The following PCNX2 variants were observed in gnomAD, a reference collection of about 807,000 sequenced individuals.
The protein encoded by PCNX2 is pecanex-like protein 2.
In PCNX2, 168 loss-of-function variants were observed where a neutral mutation model predicts 223.8. That is an observed-to-expected ratio of 0.75 (90% CI 0.66 to 0.85). The LOEUF (loss-of-function observed/expected upper bound fraction) is 0.85, where lower values mean the gene tolerates loss of function less well. Among genes scored for constraint, PCNX2 ranks in the 40% least tolerant of loss-of-function variants. The pLI, the probability that PCNX2 is intolerant of heterozygous loss-of-function variation, is 0.00. For missense variants in PCNX2, 2,507 were observed against 2,675.5 expected (o/e 0.94, Z 1.39); for synonymous variants, 1,006 against 1,052.6 (o/e 0.96, Z 0.86).
At chr1:233,235,602 T>TTGTG (rs1360296673) in intron 9 of PCNX2, among the ~76,000 whole-genome samples, 17 of 152,102 alleles carry the variant, frequency 1.1e-4, no homozygotes, top group African/African-American at 3.9e-4. Context: ...TATTTTGTGT[T>TTGTG]TGTTTGTTTG....
At chr1:233,023,608 C>G (rs1024707110) in intron 26 of PCNX2, among the ~76,000 whole-genome samples, 2 of 152,200 alleles carry the variant, frequency 1.3e-5, no homozygotes, top group African/African-American at 2.4e-5. Flanking sequence ...TCTAACACAA[C>G]TGGTATATTG....
chr1:233,176,976 C>A (rs749370788), intron 17 of PCNX2, among the ~76,000 whole-genome samples: 1 of 152,102 alleles, frequency 6.6e-6, no homozygotes, highest in African/African-American at 2.4e-5. Context: ...CATGCCACTG[C>A]ACTCCAGCCT....
At chr1:233,057,428 C>A in intron 23 of PCNX2, 138 bp from the exon 24 acceptor site, 1 of 680,708 alleles carries the variant, frequency 1.5e-6, no homozygotes. Context: ...TGTAGTTTTA[C>A]CACACTGCAG....
At chr1:233,015,912 G>A (rs567046704) in intron 27 of PCNX2, among the ~76,000 whole-genome samples, 12 of 151,808 alleles carry the variant, frequency 7.9e-5, no homozygotes, top group Non-Finnish European at 2.9e-5. Flanking sequence ...AAAAAAAAAG[G>A]GAGGGAGAGT....
At position 233,054,471 on chromosome 1, in the gene PCNX2, T is replaced by C. The variant is rs753553781; in HGVS notation, c.4148A>G (p.Asn1383Ser). 8.7e-6 allele frequency: 14 copies of C among 1,612,602 alleles called. No homozygotes were observed. Among genetic ancestry groups the C allele is most frequent in the Non-Finnish European group, 1.2e-5 (14 of 1,178,866 alleles). Reference sequence around the variant, plus strand: ...TTCATAAAAAATGGAATTGAGATTGTTGTCATCATTCCCTAAAGGCAGACA... The same window carrying C: ...TTCATAAAAAATGGAATTGAGATTGCTGTCATCATTCCCTAAAGGCAGACA... ...QIERDPGNDDNNLNSIFYEHL... is the reference protein window; with the variant it reads ...QIERDPGNDDSNLNSIFYEHL... Residue 1383 changes from asparagine (N) to serine (S), a missense_variant, in exon 25 of 34, where the codon AAC becomes AGC. By Grantham distance (46) the Asn-to-Ser change is conservative. Transcript: ENST00000258229.
intron 26 of PCNX2, among the ~76,000 whole-genome samples, chr1:233,022,067 C>CGGTGATCT (rs1670906392): frequency 6.6e-6 from 1 of 152,182 alleles, no homozygotes; most frequent in Non-Finnish European, 1.5e-5. Flanking sequence ...CTCCCACTCA[C>CGGTGATCT]GGTGATCTGC....
intron 23 of PCNX2, among the ~76,000 whole-genome samples, chr1:233,086,177 A>G (rs1673590521): frequency 6.6e-6 from 1 of 152,150 alleles, no homozygotes; most frequent in African/African-American, 2.4e-5. Context: ...GTCATTCTAT[A>G]TGAAGAGTAA....
chr1:233,257,986 C>A, intron 5 of PCNX2, 42 bp downstream of exon 5: 1 of 1,580,748 alleles, frequency 6.3e-7, no homozygotes, highest in Admixed American at 1.8e-5. Context: ...GGTGTATTGC[C>A]TTCTATGTCA....
chr1:233,034,297 T>C (rs1050530635), intron 25 of PCNX2, among the ~76,000 whole-genome samples: 6 of 152,064 alleles, frequency 3.9e-5, no homozygotes, highest in African/African-American at 1.4e-4. Flanking sequence ...ATGAGAGTAG[T>C]GCCCTCAGGA....
Position 232,999,359 on chromosome 1 carries a change from T to G in PCNX2, c.5349A>C (p.Arg1783=). ...CCTGCTGCTGCCCGGCCCAAAGTCC[T>G]CGGACGCATTCTTTGTTAACCTGCA... ...KVIKVNKECV[R]GLWAGQQQEL... The change falls in exon 31 of 34, where the codon CGA becomes CGC. Residue 1783 remains arginine (R), a synonymous_variant. Transcript: ENST00000258229. The G allele has an allele frequency of 6.3e-7, 1 of 1,595,758 alleles. No individual in the cohort carries two copies. The highest frequency in any genetic ancestry group is 1.3e-5 in the African/African-American group (1 of 74,652).
intron 1 of PCNX2, among the ~76,000 whole-genome samples, chr1:233,283,030 A>T (rs377282043): frequency 0.017 from 2,536 of 151,916 alleles, 76 homozygotes; most frequent in African/African-American, 0.057. Context: ...CTAAAAAAAA[A>T]AATAATAATA....
At chr1:232,992,845 G>A (rs1341244642) in intron 32 of PCNX2, among the ~76,000 whole-genome samples, 1 of 152,100 alleles carries the variant, frequency 6.6e-6, no homozygotes, top group Admixed American at 6.5e-5. Context: ...TTAAAGTGTG[G>A]CACCTCCTTG....
In PCNX2 at chr1:233,000,550, T is replaced by C; in HGVS notation, c.5098-15A>G. ...GTGAACTGGTCCTGGTGGGAAGAAG[T>C]GTGGGTGTGGGCTGGGCAAGGACCA... On this transcript the variant is annotated splice_polypyrimidine_tract_variant and intron_variant, in intron 29 of 33. Transcript: ENST00000258229. The surrounding 1 kb of genome is among the most constrained non-coding windows in gnomAD (Gnocchi z 4.6). 6.4e-7 allele frequency: 1 copy of C among 1,562,316 alleles called. No homozygotes were observed. Among genetic ancestry groups the C allele is most frequent in the African/African-American group, 1.3e-5 (1 of 74,188 alleles).
At chr1:233,271,315 A>G (rs961848257) in intron 1 of PCNX2, among the ~76,000 whole-genome samples, 1 of 152,188 alleles carries the variant, frequency 6.6e-6, no homozygotes, top group Non-Finnish European at 1.5e-5. Flanking sequence ...GATCAACACC[A>G]TATTTTATAT....
At chr1:233,241,763 G>A (rs1452456866) in intron 8 of PCNX2, among the ~76,000 whole-genome samples, 2 of 152,148 alleles carry the variant, frequency 1.3e-5, no homozygotes, top group African/African-American at 2.4e-5. Context: ...ACATGGTACT[G>A]GGTATATCTA....
chr1:233,107,899 C>A (rs183310335), intron 21 of PCNX2, among the ~76,000 whole-genome samples: 1 of 152,230 alleles, frequency 6.6e-6, no homozygotes, highest in East Asian at 1.9e-4. Flanking sequence ...GTCATAAAGA[C>A]CTTGCTGATA....
In PCNX2 at chr1:233,258,446, A is replaced by T. The variant is rs1251851738; in HGVS notation, c.1416T>A (p.Ser472=). 4.3e-6 allele frequency: 7 copies of T among 1,613,866 alleles called. No individual in the cohort carries two copies. Among genetic ancestry groups the T allele is most frequent in the Middle Eastern group, 3.3e-4 (2 of 6,062 alleles). ...VSTNQCSGYG[S]GEGGNAIKDH... ...CCTTGATGGCATTTCCCCCCTCCCC[A>T]GATCCGTAGCCAGAACACTGATTGG... The change falls in exon 5 of 34, where the codon TCT becomes TCA. Residue 472 remains serine, a synonymous_variant. Coordinates refer to ENST00000258229, the MANE Select transcript of PCNX2 (RefSeq NM_014801.4).
intron 25 of PCNX2, chr1:233,047,286 G>T: frequency 1.3e-6 from 1 of 773,478 alleles, no homozygotes; most frequent in Non-Finnish European, 1.6e-6. Context: ...TCTAAGATGA[G>T]ACCAGAACAT....
the PCNX2 span, among the ~76,000 whole-genome samples, chr1:233,325,608 G>A: frequency 3.9e-5 from 6 of 152,148 alleles, 1 homozygote; most frequent in South Asian, 6.2e-4. Flanking sequence ...CCCAGGAGGC[G>A]GAGCTTGCAT....
Sources: allele counts gnomAD v4.1 joint callset (sites outside exome capture counted in the v4.1 genomes callset), GRCh38; gene constraint gnomAD v4.1.1; non-coding constraint Gnocchi (gnomAD v3.1); transcripts MANE v1.5; gene names NCBI Gene and HGNC (gene_info 2026-07-23, HGNC 2026-07-21).